SLC25A48: variants seen among roughly 807,000 people sequenced by gnomAD.
SLC25A48 encodes the protein CTC-321K16.1.
In SLC25A48, 29 loss-of-function variants were observed where a neutral mutation model predicts 32.2. The observed-to-expected ratio is 0.90, with a 90% CI of 0.67 to 1.23. The LOEUF (loss-of-function observed/expected upper bound fraction) is 1.23, where lower values mean the gene tolerates loss of function less well. SLC25A48 is among the 50% of genes most tolerant of loss of function. The pLI is 0.00. For missense variants in SLC25A48, 399 were observed against 422.7 expected (o/e 0.94, Z 0.49); for synonymous variants, 164 against 172.3 (o/e 0.95, Z 0.38).
chr5:135,639,750 C>T (rs897968654), intron 3 of SLC25A48, among the ~76,000 whole-genome samples: 1 of 152,148 alleles, frequency 6.6e-6, no homozygotes, highest in African/African-American at 2.4e-5. Context: ...CAAACTAGAT[C>T]AGTTCTAACA....
chr5:135,693,983 A>C (rs1754208666), intron 3 of SLC25A48, among the ~76,000 whole-genome samples: 1 of 152,152 alleles, frequency 6.6e-6, no homozygotes, highest in South Asian at 2.1e-4. Flanking sequence ...TTTCTTTACC[A>C]AGTGGTTTAG....
At chr5:135,871,843 T>A (rs759658773) in intron 5 of SLC25A48, 125 bp downstream of exon 5, 2 of 1,535,378 alleles carry the variant, frequency 1.3e-6, no homozygotes, top group Non-Finnish European at 1.8e-6. Context: ...CACCCAACAA[T>A]TCTTTGTTAG....
At chr5:135,614,499 A>T (rs1387033334) in intron 1 of SLC25A48, among the ~76,000 whole-genome samples, 1 of 152,158 alleles carries the variant, frequency 6.6e-6, no homozygotes, top group Non-Finnish European at 1.5e-5. Flanking sequence ...CCCCCAATTC[A>T]GTATGCTCTT....
chr5:135,641,279 A>G (rs1488448404), intron 3 of SLC25A48, among the ~76,000 whole-genome samples: 1 of 152,222 alleles, frequency 6.6e-6, no homozygotes, highest in Non-Finnish European at 1.5e-5. Context: ...AATAGATTTT[A>G]GAAGATATTT....
chr5:135,712,249 G>A (rs1242022561), intron 3 of SLC25A48, among the ~76,000 whole-genome samples: 1 of 152,202 alleles, frequency 6.6e-6, no homozygotes, highest in Non-Finnish European at 1.5e-5. Flanking sequence ...TGTTGAACAA[G>A]TTTATGGGCT....
chr5:135,591,065 T>C (rs2126876371), intron 1 of SLC25A48, among the ~76,000 whole-genome samples: 1 of 152,358 alleles, frequency 6.6e-6, no homozygotes, highest in South Asian at 2.1e-4. Context: ...CCAGGGTATC[T>C]GGGTGACCAG....
intron 7 of SLC25A48, among the ~76,000 whole-genome samples, chr5:135,886,404 G>A (rs114112498): frequency 0.012 from 1,823 of 149,112 alleles, 25 homozygotes; most frequent in Middle Eastern, 0.031. Context: ...ATGAAACTCG[G>A]CTTTATTGAA....
At chr5:135,841,777 C>T (rs1759016166) in intron 1 of SLC25A48, among the ~76,000 whole-genome samples, 1 of 152,128 alleles carries the variant, frequency 6.6e-6, no homozygotes. Context: ...CCACTGCAGC[C>T]TTCAGTTCTG....
At chr5:135,751,092 A>G (rs72789493) in intron 3 of SLC25A48, among the ~76,000 whole-genome samples, 61,669 of 152,066 alleles carry the variant, frequency 0.41, 14,366 homozygotes, top group Non-Finnish European at 0.52. Context: ...CTGTAGATGC[A>G]TGAGTCCAGG....
intron 3 of SLC25A48, among the ~76,000 whole-genome samples, chr5:135,661,248 C>A (rs916261067): frequency 6.6e-6 from 1 of 152,194 alleles, no homozygotes. Context: ...TAGGCAGATG[C>A]GGGGAGAGAC....
intron 3 of SLC25A48, among the ~76,000 whole-genome samples, chr5:135,694,652 G>A (rs181028328): frequency 8.6e-5 from 13 of 152,038 alleles, no homozygotes; most frequent in Non-Finnish European, 1.8e-4. Flanking sequence ...CTGGAGAGCG[G>A]TGGCATGATC....
chr5:135,641,156 C>T (rs1020848057), intron 3 of SLC25A48, among the ~76,000 whole-genome samples: 13 of 152,116 alleles, frequency 8.5e-5, no homozygotes, highest in Admixed American at 1.3e-4. Flanking sequence ...TCAACATACA[C>T]GATTAATCAG....
At chr5:135,787,875 AG>A (rs1475943918) in intron 3 of SLC25A48, among the ~76,000 whole-genome samples, 3 of 151,800 alleles carry the variant, frequency 2.0e-5, no homozygotes, top group Non-Finnish European at 4.4e-5. Flanking sequence ...AATGTCACAA[AG>A]GGTGTACACC....
chr5:135,882,611 A>G (rs1156697879), intron 7 of SLC25A48, among the ~76,000 whole-genome samples: 3 of 152,098 alleles, frequency 2.0e-5, no homozygotes, highest in African/African-American at 7.2e-5. Context: ...AGGCATGGAG[A>G]TATCCCCCAG....
intron 3 of SLC25A48, among the ~76,000 whole-genome samples, chr5:135,664,073 A>T (rs577216050): frequency 2.9e-4 from 44 of 152,166 alleles, no homozygotes; most frequent in Admixed American, 4.6e-4. Flanking sequence ...GTTGCTAGGA[A>T]TTTTTCCATG....
chr5:135,779,328 G>A lies in SLC25A48; in HGVS notation c.-520-33195G>A, dbSNP rs548371786. 3.2e-4 allele frequency among the ~76,000 whole-genome samples: 48 copies of A among 151,910 alleles called. No homozygotes were observed. In the South Asian group the frequency reaches 9.8e-3, roughly 31 times the overall value. ...TGAGATATTGCTCCTAATATGCAGG[G>A]AGGGGAAGGATTTTGTTACAGTCAA... On this transcript the variant is annotated intron_variant, in intron 3 of 10. Coordinates refer to the SLC25A48 transcript ENST00000646290.
chr5:135,619,633 G>T (rs1752273944), intron 1 of SLC25A48, among the ~76,000 whole-genome samples: 1 of 152,136 alleles, frequency 6.6e-6, no homozygotes, highest in Non-Finnish European at 1.5e-5. Context: ...CCAATGTTTT[G>T]AATTTGCTTT....
At chr5:135,643,283 TTG>T (rs940262116) in intron 3 of SLC25A48, among the ~76,000 whole-genome samples, 2 of 152,228 alleles carry the variant, frequency 1.3e-5, no homozygotes, top group African/African-American at 4.8e-5. Flanking sequence ...GCCAGAGTCC[TTG>T]TGTGTTTTCA....
intron 3 of SLC25A48, among the ~76,000 whole-genome samples, chr5:135,781,898 A>C (rs12187985): frequency 0.5 from 54,910 of 109,544 alleles, 20,579 homozygotes; most frequent in Middle Eastern, 0.69. Flanking sequence ...TTCCCATGTG[A>C]TATTGTTCCT....
Sources: gnomAD v4.1 joint callset for allele counts (sites outside exome capture counted in the v4.1 genomes callset) on GRCh38, gnomAD v4.1.1 for gene constraint, MANE v1.5 for transcripts, NCBI Gene and HGNC (gene_info 2026-07-23, HGNC 2026-07-21) for gene names.